Variants in CNIH3 observed in about 807,000 individuals in gnomAD.
The protein encoded by CNIH3 is cornichon family AMPA receptor auxiliary protein 3, also known as protein cornichon homolog 3.
A neutral mutation model predicts 24.1 loss-of-function variants in CNIH3; 14 were observed. The ratio of observed to expected loss-of-function variants is 0.58; its 90% CI spans 0.38 to 0.91. The LOEUF is 0.91. Among genes scored for constraint, CNIH3 ranks in the 40% least tolerant of loss-of-function variants. CNIH3 has a pLI of 0.00. For missense variants in CNIH3, 178 were observed against 196.8 expected, an observed-to-expected ratio of 0.90 and a Z score of 0.57; for synonymous variants, 68 against 73.8, an observed-to-expected ratio of 0.92 and a Z score of 0.40.
At chr1:224,626,845 T>C (rs568157038) in intron 1 of CNIH3, among the ~76,000 whole-genome samples, 1 of 152,370 alleles carries the variant, frequency 6.6e-6, no homozygotes, top group African/African-American at 2.4e-5. Context: ...CAGAGCCTTC[T>C]TGCCTCTTGG....
chr1:224,602,576 C>T (rs1047112645), intron 3 of CNIH3, among the ~76,000 whole-genome samples: 1 of 152,086 alleles, frequency 6.6e-6, no homozygotes, highest in Non-Finnish European at 1.5e-5. Flanking sequence ...CCTCATAAGT[C>T]CTTACTTGGA....
intron 1 of CNIH3, among the ~76,000 whole-genome samples, chr1:224,457,264 C>CCT (rs71755086): frequency 7.3e-4 from 79 of 108,742 alleles, no homozygotes; most frequent in African/African-American, 2.5e-3. Flanking sequence ...GCTGAGCCCT[C>CCT]CTCTCTCTCT....
At chr1:224,449,534 C>T (rs964147946) in intron 1 of CNIH3, among the ~76,000 whole-genome samples, 3 of 151,460 alleles carry the variant, frequency 2.0e-5, no homozygotes, top group Non-Finnish European at 1.5e-5. Context: ...CTTGCCGTGT[C>T]ACCCAGGCTG....
At chr1:224,594,714 G>GT (rs1198012898) in intron 3 of CNIH3, among the ~76,000 whole-genome samples, 10 of 152,288 alleles carry the variant, frequency 6.6e-5, no homozygotes, top group African/African-American at 2.4e-4. Flanking sequence ...GCTCTCTAGG[G>GT]ATGGTCTCTA....
At chr1:224,733,785 C>T (rs6426156) in intron 4 of CNIH3, among the ~76,000 whole-genome samples, 136,867 of 152,220 alleles carry the variant, frequency 0.9, 61,598 homozygotes, top group African/African-American at 0.93. Flanking sequence ...TCTTGGGCTC[C>T]GGCAGGAGGC....
In CNIH3 at chr1:224,647,451, C is replaced by A. The variant is rs559235087; in HGVS notation, c.81+30196C>A. Among the ~76,000 whole-genome samples, 5 of 152,342 alleles carry A rather than the reference C, an allele frequency of 3.3e-5. No homozygotes were observed. In the South Asian group the frequency reaches 1.0e-3, roughly 32 times the overall value. On this transcript the variant is annotated intron_variant, in intron 1 of 5. Coordinates refer to ENST00000272133, the MANE Select transcript of CNIH3 (RefSeq NM_152495.2). Reference sequence around the variant, plus strand: ...TGGAACAGGAGTGTCTGACCACCCCCCTGCCTGGGCCTGGGTGTCGGGGTG... The same window carrying A: ...TGGAACAGGAGTGTCTGACCACCCCACTGCCTGGGCCTGGGTGTCGGGGTG...
chr1:224,539,746 C>A (rs1341392623), downstream of CNIH3, among the ~76,000 whole-genome samples: 4 of 152,188 alleles, frequency 2.6e-5, no homozygotes, highest in Non-Finnish European at 5.9e-5. Context: ...CACCTCTCTA[C>A]CTTTCCCTGT....
intron 1 of CNIH3, among the ~76,000 whole-genome samples, chr1:224,491,046 T>C (rs1677217449): frequency 6.6e-6 from 1 of 152,242 alleles, no homozygotes; most frequent in South Asian, 2.1e-4. Flanking sequence ...TACAGGCGCA[T>C]ACTCCTAAGT....
At chr1:224,708,237 C>G (rs111375140) in intron 3 of CNIH3, among the ~76,000 whole-genome samples, 123 of 151,788 alleles carry the variant, frequency 8.1e-4, no homozygotes, top group Non-Finnish European at 1.5e-3. Context: ...CTCAGGGCCT[C>G]TCTCCTCTCA....
intron 3 of CNIH3, among the ~76,000 whole-genome samples, chr1:224,701,024 A>G (rs1293759982): frequency 1.3e-5 from 2 of 152,122 alleles, no homozygotes; most frequent in East Asian, 3.8e-4. Context: ...AGAAGTTGTC[A>G]CTTGAGAGCA....
At chr1:224,474,823 C>T (rs1022903008) in intron 1 of CNIH3, among the ~76,000 whole-genome samples, 5 of 151,100 alleles carry the variant, frequency 3.3e-5, no homozygotes, top group African/African-American at 7.3e-5. Flanking sequence ...GTCAGGAGAT[C>T]GAGACCATCC....
At chr1:224,523,986 T>G (rs1678743329) in intron 2 of CNIH3, among the ~76,000 whole-genome samples, 1 of 152,216 alleles carries the variant, frequency 6.6e-6, no homozygotes, top group African/African-American at 2.4e-5. Flanking sequence ...TCTCTTGCTT[T>G]GCCTAATGTC....
intron 3 of CNIH3, among the ~76,000 whole-genome samples, chr1:224,714,389 A>G (rs1688316272): frequency 6.6e-6 from 1 of 152,212 alleles, no homozygotes; most frequent in Non-Finnish European, 1.5e-5. Context: ...AAGGGAAAAT[A>G]TGAAAGATAA....
exon 1 of CNIH3, chr1:224,434,724 C>T: frequency 1.0e-6 from 1 of 982,264 alleles, no homozygotes; most frequent in Non-Finnish European, 1.2e-6. Context: ...GCGGAGGCAG[C>T]TGCCGCCTCT....
At chr1:224,459,214 C>T (rs1161038550) in intron 1 of CNIH3, 12 of 978,744 alleles carry the variant, frequency 1.2e-5, no homozygotes, top group Non-Finnish European at 1.5e-5. Context: ...CTTCAGCAGA[C>T]ATCATGTGAC....
intron 3 of CNIH3, among the ~76,000 whole-genome samples, chr1:224,711,568 G>A (rs976909438): frequency 6.6e-6 from 1 of 151,724 alleles, no homozygotes; most frequent in African/African-American, 2.4e-5. Context: ...GCTGAGGTGG[G>A]TGGATTGCTT....
At chr1:224,689,098 T>TCAGCCA (rs1314114869) in intron 3 of CNIH3, among the ~76,000 whole-genome samples, 1 of 152,210 alleles carries the variant, frequency 6.6e-6, no homozygotes. Flanking sequence ...ATATCTGCTC[T>TCAGCCA]CAGCCACTTC....
intron 3 of CNIH3, among the ~76,000 whole-genome samples, chr1:224,725,597 T>C (rs1688981128): frequency 6.6e-6 from 1 of 152,164 alleles, no homozygotes; most frequent in East Asian, 1.9e-4. Flanking sequence ...TCCCTGTGGC[T>C]TCCATAGCTG....
intron 1 of CNIH3, among the ~76,000 whole-genome samples, chr1:224,505,569 A>AC (rs1481319837): frequency 6.6e-6 from 1 of 152,174 alleles, no homozygotes; most frequent in Admixed American, 6.5e-5. Context: ...GGAAAATCAA[A>AC]CCCCTAGGGT....
Sources: allele counts gnomAD v4.1 joint callset (sites outside exome capture counted in the v4.1 genomes callset), GRCh38; gene constraint gnomAD v4.1.1; transcripts MANE v1.5; gene names NCBI Gene and HGNC (gene_info 2026-07-23, HGNC 2026-07-21).